VILL: variants seen among roughly 807,000 people sequenced by gnomAD.
VILL encodes villin-like protein.
Under a neutral mutation model 106.3 loss-of-function variants are expected in VILL, and 102 were observed. The ratio of observed to expected loss-of-function variants is 0.96; its 90% CI spans 0.82 to 1.13. The LOEUF (loss-of-function observed/expected upper bound fraction) is 1.13, where lower values mean the gene tolerates loss of function less well. Among genes scored for constraint, VILL ranks in the 50% most tolerant of loss-of-function variants. VILL has a pLI of 0.00. For synonymous variants in VILL, 431 were observed against 440.3 expected (o/e 0.98, Z 0.27); for missense variants, 1,076 against 1,116.6 (o/e 0.96, Z 0.52).
In VILL at chr3:38,001,710, G is replaced by C; in HGVS notation, c.1329G>C (p.Gln443His). 2 of 1,614,222 alleles carry C rather than the reference G, an allele frequency of 1.2e-6. No individual in the cohort carries two copies. Among genetic ancestry groups the C allele is most frequent in the African/African-American group, 2.7e-5 (2 of 75,078 alleles). ...ACTGCCCCCACCTGCAGGGCCACCA[G>C]GCCACTGCGGATGAGATTGAGGCCC... is the stretch of plus-strand genomic sequence containing the variant. ...QYILYLWQGH[Q>H]ATADEIEALN... Residue 443 changes from glutamine to histidine, a missense_variant, in exon 13 of 20, where the codon CAG becomes CAC. Physicochemically the swap from Gln to His is conservative, Grantham distance 24 (BLOSUM62 0). Transcript: ENST00000383759.
At chr3:37,996,435 T>C (rs531061573) in intron 5 of VILL, among the ~76,000 whole-genome samples, 1 of 152,228 alleles carries the variant, frequency 6.6e-6, no homozygotes, top group South Asian at 2.1e-4. Flanking sequence ...TACAGGAAAA[T>C]ACTGGTTTTG....
Position 37,993,926 on chromosome 3 carries a change from G to A in VILL, c.89G>A (p.Gly30Glu). Residue 30 changes from glycine to glutamate, a missense_variant, in exon 3 of 20, where the codon GGG becomes GAG. Coordinates refer to ENST00000383759, the MANE Select transcript of VILL (RefSeq NM_015873.4). The stretch of plus-strand genomic sequence containing the variant: ...CGGAAGATGGTGCCGGTACCCGAGG[G>A]GGCTTACGGGAACTTTTTTGAGGAA... Reference protein sequence around the residue: ...ENRKMVPVPEGAYGNFFEEHC... With the variant: ...ENRKMVPVPEEAYGNFFEEHC... The A allele has an allele frequency of 1.2e-6, 2 of 1,614,166 alleles. No individual in the cohort carries two copies. The highest frequency in any genetic ancestry group is 1.7e-6 in the Non-Finnish European group (2 of 1,180,014).
intron 1 of VILL, 50 bp from the exon 2 acceptor site, chr3:37,993,537 T>G: frequency 5.6e-6 from 4 of 717,470 alleles, no homozygotes; most frequent in South Asian, 1.8e-5. Context: ...TGTGCTGACA[T>G]TTGTGTGTTT....
rs1023895426 is a variant in VILL at position 37,995,724 on chromosome 3, C to G, written c.342-15C>G. On this transcript the variant is annotated splice_polypyrimidine_tract_variant and intron_variant, in intron 4 of 19. Coordinates refer to ENST00000383759, the MANE Select transcript of VILL (RefSeq NM_015873.4). ...TACACAGAATGTATATACCCTCCTG[C>G]TATTCCCACCTCAGCTACAGGAAGG... 4.4e-6 allele frequency: 7 copies of G among 1,605,002 alleles called. No individual in the cohort carries two copies. The highest frequency in any genetic ancestry group is 6.0e-6 in the Non-Finnish European group (7 of 1,172,228).
chr3:38,006,664 G>T lies in VILL; in HGVS notation c.2421G>T (p.Glu807Asp), dbSNP rs1184927591. Residue 807 changes from glutamate to aspartate, a missense_variant, in exon 19 of 20, where the codon GAG becomes GAT. Coordinates refer to ENST00000383759, the MANE Select transcript of VILL (RefSeq NM_015873.4). Reference protein sequence around the residue: ...RREQLMHQAVEDLPEGVDPAR... With the variant: ...RREQLMHQAVDDLPEGVDPAR... ...AACAACTGATGCACCAGGCTGTTGAGGACCTGCCAGAGGGCGTGGACCCTG... is the reference window on the plus strand; with the variant it reads ...AACAACTGATGCACCAGGCTGTTGATGACCTGCCAGAGGGCGTGGACCCTG... 1 of 1,612,880 alleles carries T rather than the reference G, an allele frequency of 6.2e-7. No homozygotes were observed. Among genetic ancestry groups the T allele is most frequent in the Admixed American group, 1.7e-5 (1 of 59,992 alleles).
chr3:38,000,127 A>G (rs1250813374), intron 11 of VILL, among the ~76,000 whole-genome samples: 4 of 152,240 alleles, frequency 2.6e-5, no homozygotes, highest in South Asian at 2.1e-4. Flanking sequence ...TCTGGCCCCA[A>G]GGCTGATGTG....
chr3:38,006,197 A>G lies in VILL; in HGVS notation c.2150A>G (p.Lys717Arg). The change falls in exon 18 of 20, where the codon AAG (lysine) becomes AGG (arginine). Residue 717 changes from lysine to arginine, a missense_variant. Coordinates refer to ENST00000383759, the MANE Select transcript of VILL (RefSeq NM_015873.4). ...TTGCTCCAGAGCCACCCGTCCCACA[A>G]GGAAGTGGTGGATGGCAGCCCGGCA... The part of the protein sequence containing the change: ...PYKWTSHPSH[K>R]EVVDGSPAAA... 6.2e-7 allele frequency: 1 copy of G among 1,614,176 alleles called. No individual in the cohort carries two copies. Among genetic ancestry groups the G allele is most frequent in the Non-Finnish European group, 8.5e-7 (1 of 1,180,010 alleles).
At chr3:37,996,498 T>C (rs960908031) in intron 5 of VILL, among the ~76,000 whole-genome samples, 1 of 152,156 alleles carries the variant, frequency 6.6e-6, no homozygotes, top group Non-Finnish European at 1.5e-5. Context: ...TAATGAACAT[T>C]CAGGTGTACA....
At chr3:38,000,090 A>G (rs1699785442) in intron 11 of VILL, among the ~76,000 whole-genome samples, 1 of 152,238 alleles carries the variant, frequency 6.6e-6, no homozygotes, top group Non-Finnish European at 1.5e-5. Context: ...GTTTTTAAAT[A>G]AAGTGGGGTC....
At position 38,001,747 on chromosome 3, in the gene VILL, G is replaced by A. The variant is rs1201986478; in HGVS notation, c.1366G>A (p.Ala456Thr). ...TGAGATTGAGGCCCTGAACAGCAAC[G>A]CTGAGGAACTAGATGTCATGTATGG... ...ADEIEALNSN[A>T]EELDVMYGGV... Residue 456 changes from alanine (A) to threonine (T), a missense_variant, in exon 13 of 20, where the codon GCT becomes ACT. Ala to Thr is a moderately conservative substitution (Grantham distance 58). Transcript: ENST00000383759. 16 of 1,614,258 alleles carry A rather than the reference G, an allele frequency of 9.9e-6. No homozygotes were observed. Among genetic ancestry groups the A allele is most frequent in the African/African-American group, 2.7e-5 (2 of 75,074 alleles).
chr3:37,989,939 C>G (rs550830653), upstream of VILL, among the ~76,000 whole-genome samples: 1 of 152,346 alleles, frequency 6.6e-6, no homozygotes, highest in African/African-American at 2.4e-5. Flanking sequence ...CCCCAAGTCC[C>G]CAGACCCCTG....
upstream of VILL, chr3:37,988,374 G>A (rs1699573893): frequency 6.6e-6 from 1 of 152,176 alleles, no homozygotes; most frequent in South Asian, 2.1e-4. Context: ...TTCTGAGGTT[G>A]AATTTTCCCT....
In VILL at chr3:38,005,777, C is replaced by T. The variant is rs1462315233; in HGVS notation, c.1951-15C>T. The T allele has an allele frequency of 3.8e-6, 6 of 1,599,384 alleles. No homozygotes were observed. The highest frequency in any genetic ancestry group is 5.1e-6 in the Non-Finnish European group (6 of 1,172,408). On this transcript the variant is annotated splice_polypyrimidine_tract_variant and intron_variant, in intron 16 of 19. Transcript: ENST00000383759. The stretch of plus-strand genomic sequence containing the variant: ...CCCTCCACCTGCCCAAGGCCAGGTC[C>T]CCTCTGTGGCTCAGATCTTCCTGTG...
intron 14 of VILL, 53 bp from the exon 15 acceptor site, chr3:38,003,115 G>T: frequency 6.3e-7 from 1 of 1,595,632 alleles, no homozygotes. Context: ...ACGTGGGGCC[G>T]GAGGTGAAGG....
rs985287497 is a variant in VILL, at chr3:38,002,412, A to G, written c.1496A>G (p.His499Arg). Residue 499 changes from histidine to arginine, a missense_variant, in exon 14 of 20, where the codon CAT (histidine) becomes CGT (arginine). By Grantham distance (29) the His-to-Arg change is conservative. Coordinates refer to ENST00000383759, the MANE Select transcript of VILL (RefSeq NM_015873.4). ...CTCCTATAGGAGAGAGCTGGGCACC[A>G]TGGAAAGGGGCAGTCAGCATCCACC... ...LVIFQERAGH[H>R]GKGQSASTTR... 1 of 1,612,828 alleles carries G rather than the reference A, an allele frequency of 6.2e-7. No homozygotes were observed. The highest frequency in any genetic ancestry group is 1.7e-5 in the Admixed American group (1 of 59,938).
intron 5 of VILL, 121 bp downstream of exon 5, chr3:37,995,968 A>C (rs894792803): frequency 5.6e-6 from 4 of 715,582 alleles, no homozygotes; most frequent in Non-Finnish European, 9.6e-6. Flanking sequence ...GCATTCCCAG[A>C]TGGTCTTGAA....
Position 38,005,710 on chromosome 3 carries a change from AC to A in VILL, c.1951-81del, listed in dbSNP as rs1482545010. The A allele has an allele frequency of 7.5e-6, 11 of 1,467,528 alleles. No homozygotes were observed. In the African/African-American group the frequency reaches 1.1e-4, roughly 15 times the overall value. 90.9% of individuals were successfully genotyped at this position (1,467,528 alleles called of 1,614,324 possible). On this transcript the variant is annotated intron_variant, in intron 16 of 19. Transcript: ENST00000383759. ...TGTATGTGGGGTTCTGTCTGGGACA[AC>A]TGGACAGGGAGTGGACAGGAAGGGG...
rs200829672 is a variant in VILL, at chr3:38,006,707, AC to A, written c.2457+12del. 3 of 1,595,910 alleles carry A rather than the reference AC, an allele frequency of 1.9e-6. No homozygotes were observed. Among genetic ancestry groups the A allele is most frequent in the East Asian group, 2.2e-5 (1 of 44,578 alleles). On this transcript the variant is annotated splice_region_variant and intron_variant, in intron 19 of 19. Transcript: ENST00000383759. ...GGACCCTGCCCGCAGGGAGGTGGGC[AC>A]CCCCTCACTGCCCCAGCACTAGTGC...
At chr3:37,996,511 G>A (rs145110562) in intron 5 of VILL, among the ~76,000 whole-genome samples, 178 of 152,280 alleles carry the variant, frequency 1.2e-3, no homozygotes, top group African/African-American at 4.0e-3. Flanking sequence ...GGTGTACAAC[G>A]TCTACAGTGT....
Sources: gnomAD v4.1 joint callset for allele counts (sites outside exome capture counted in the v4.1 genomes callset) on GRCh38, gnomAD v4.1.1 for gene constraint, MANE v1.5 for transcripts, NCBI Gene and HGNC (gene_info 2026-07-23, HGNC 2026-07-21) for gene names.